The following LGR4 variants were observed in gnomAD, a reference collection of about 807,000 sequenced individuals.
LGR4 encodes the protein leucine rich repeat containing G protein-coupled receptor 4, also known as leucine-rich repeat-containing G protein-coupled receptor 4.
LGR4 carries 44 observed loss-of-function variants against 84.8 expected under a neutral mutation model. The observed-to-expected ratio is 0.52, with a 90% CI of 0.41 to 0.67. The LOEUF (loss-of-function observed/expected upper bound fraction) is 0.67. LGR4 is among the 30% of genes least tolerant of loss of function. LGR4 has a pLI of 0.00. For synonymous variants in LGR4, 429 were observed against 434.3 expected (o/e 0.99, Z 0.15); for missense variants, 1,032 against 1,131.4 (o/e 0.91, Z 1.26).
chr11:27,387,242 C>T (rs547643929), intron 4 of LGR4, among the ~76,000 whole-genome samples: 10 of 152,300 alleles, frequency 6.6e-5, no homozygotes, highest in Middle Eastern at 3.4e-3. Context: ...GTTAACACAA[C>T]AGGCATGAGG....
In LGR4 at chr11:27,367,740, C is replaced by G. The variant is rs1862793708; in HGVS notation, c.*127G>C. ...ACTGGTTTGAGAAATAAACTGCCAC[C>G]TCTCCTTCTTCTAAGTGACACCAGG... On this transcript the variant is annotated 3_prime_UTR_variant, in exon 18 of 18. Coordinates refer to ENST00000379214, the MANE Select transcript of LGR4 (RefSeq NM_018490.5). 1.5e-6 allele frequency: 1 copy of G among 651,378 alleles called. No homozygotes were observed. The highest frequency in any genetic ancestry group is 1.8e-5 in the African/African-American group (1 of 55,704). The allele number at this position is 651,378 out of a possible 1,614,324, so 40.3% of individuals were successfully genotyped here. A position where few individuals can be genotyped will look rare whatever the true frequency, so the allele number is the denominator to read the frequency against.
rs547381937 is a variant in LGR4 at position 27,386,455 on chromosome 11, A to C, written c.402-987T>G. Among the ~76,000 whole-genome samples the C allele has an allele frequency of 9.2e-5, 14 of 152,284 alleles. No individual in the cohort carries two copies. The East Asian group carries it at 2.7e-3, about 29-fold the overall frequency. On this transcript the variant is annotated intron_variant, in intron 4 of 17. Coordinates refer to ENST00000379214, the MANE Select transcript of LGR4 (RefSeq NM_018490.5). The stretch of plus-strand genomic sequence containing the variant: ...TTACATTCATGCCTCACAGCCTTGG[A>C]CTTCTTTGTGAAAATTACAGAACAG...
In LGR4 at chr11:27,389,948, C is replaced by T. The variant is rs1863251698; in HGVS notation, c.401+1146G>A. Among the ~76,000 whole-genome samples, 6 of 152,286 alleles carry T rather than the reference C, an allele frequency of 3.9e-5. No individual in the cohort carries two copies. In the South Asian group the frequency reaches 1.2e-3, roughly 32 times the overall value. ...TTTTAGTGAAGGAAGCTACTTAATA[C>T]AACCACCTTAAATTAAACTTTCATT... On this transcript the variant is annotated intron_variant, in intron 4 of 17. Coordinates refer to ENST00000379214, the MANE Select transcript of LGR4 (RefSeq NM_018490.5).
At chr11:27,445,318 G>A (rs1211478363) in intron 1 of LGR4, among the ~76,000 whole-genome samples, 1 of 152,044 alleles carries the variant, frequency 6.6e-6, no homozygotes, top group Non-Finnish European at 1.5e-5. Flanking sequence ...TTCAAATTCT[G>A]GTTACAGATT....
intron 2 of LGR4, 140 bp from the exon 3 acceptor site, chr11:27,392,658 A>C: frequency 1.5e-6 from 1 of 686,554 alleles, no homozygotes; most frequent in Non-Finnish European, 2.3e-6. Context: ...CGTGGACTTA[A>C]ACCCTTGCTA....
intron 1 of LGR4, among the ~76,000 whole-genome samples, chr11:27,444,557 C>A (rs1238631915): frequency 6.6e-6 from 1 of 152,156 alleles, no homozygotes; most frequent in Admixed American, 6.5e-5. Context: ...GATATTTTTA[C>A]AATTAAACAA....
intron 1 of LGR4, among the ~76,000 whole-genome samples, chr11:27,449,942 C>A (rs1186266261): frequency 6.6e-6 from 1 of 152,094 alleles, no homozygotes; most frequent in Non-Finnish European, 1.5e-5. Context: ...AAAGTTGGTT[C>A]CCCTAGAAGC....
At chr11:27,401,987 G>A (rs1415922118) in intron 2 of LGR4, among the ~76,000 whole-genome samples, 1 of 152,198 alleles carries the variant, frequency 6.6e-6, no homozygotes, top group Non-Finnish European at 1.5e-5. Context: ...GGCTTCATAT[G>A]GCAGAAAGGG....
chr11:27,432,285 A>G (rs1358574151), intron 1 of LGR4, among the ~76,000 whole-genome samples: 6 of 152,164 alleles, frequency 3.9e-5, no homozygotes, highest in Non-Finnish European at 8.8e-5. Context: ...ACCATCTTTG[A>G]CCTTGCTTTC....
chr11:27,412,416 T>C (rs980281771), intron 2 of LGR4, among the ~76,000 whole-genome samples: 1 of 152,166 alleles, frequency 6.6e-6, no homozygotes, highest in Non-Finnish European at 1.5e-5. Flanking sequence ...GTGTTATTTT[T>C]TGTGGTTCTG....
At chr11:27,445,767 A>G (rs1457116958) in intron 1 of LGR4, among the ~76,000 whole-genome samples, 1 of 152,110 alleles carries the variant, frequency 6.6e-6, no homozygotes, top group African/African-American at 2.4e-5. Flanking sequence ...AGTCCCAGCT[A>G]CTCTGAAGGC....
Position 27,377,141 on chromosome 11 carries a change from G to A in LGR4, c.1109+17C>T. On this transcript the variant is annotated intron_variant, in intron 12 of 17. Coordinates refer to ENST00000379214, the MANE Select transcript of LGR4 (RefSeq NM_018490.5). ...CAATACACCACAACAAAAGGAATAAGTCAAAGACCAACTCACATTTCTTCC... is the reference window on the plus strand; with the variant it reads ...CAATACACCACAACAAAAGGAATAAATCAAAGACCAACTCACATTTCTTCC... 1.3e-6 allele frequency: 2 copies of A among 1,514,398 alleles called. No homozygotes were observed. The highest frequency in any genetic ancestry group is 3.5e-5 in the Admixed American group (2 of 56,702). 93.8% of individuals were successfully genotyped at this position (1,514,398 alleles called of 1,614,324 possible). A position where few individuals can be genotyped will look rare whatever the true frequency, so the allele number is the denominator to read the frequency against.
intron 13 of LGR4, among the ~76,000 whole-genome samples, chr11:27,375,871 A>G (rs1244709055): frequency 2.0e-5 from 3 of 152,362 alleles, no homozygotes; most frequent in South Asian, 4.1e-4. Context: ...AAAGTAAAAA[A>G]TATTGAAAGA....
At chr11:27,466,852 C>T (rs1025880302) in intron 1 of LGR4, among the ~76,000 whole-genome samples, 12 of 151,992 alleles carry the variant, frequency 7.9e-5, no homozygotes, top group South Asian at 2.1e-4. Flanking sequence ...GGCACAATCT[C>T]GGTTCACTGC....
intron 1 of LGR4, among the ~76,000 whole-genome samples, chr11:27,416,924 A>C (rs1863830485): frequency 6.6e-6 from 1 of 152,164 alleles, no homozygotes; most frequent in Non-Finnish European, 1.5e-5. Flanking sequence ...ATCATGTTTC[A>C]ACAAGGTACC....
Position 27,367,860 on chromosome 11 carries a change from C to T in LGR4, c.*7G>A. Reference sequence around the variant, plus strand: ...TTGACGGGGGAAACGGTTACACACACAGTAGTTCAGTCTTTAACTCTTGGT... The same window carrying T: ...TTGACGGGGGAAACGGTTACACACATAGTAGTTCAGTCTTTAACTCTTGGT... On this transcript the variant is annotated 3_prime_UTR_variant, in exon 18 of 18. Transcript: ENST00000379214. The T allele has an allele frequency of 1.3e-6, 2 of 1,570,000 alleles. No homozygotes were observed. The highest frequency in any genetic ancestry group is 2.2e-5 in the East Asian group (1 of 44,652).
chr11:27,384,557 A>G, intron 5 of LGR4, 150 bp from the exon 6 acceptor site: 1 of 636,792 alleles, frequency 1.6e-6, no homozygotes, highest in Non-Finnish European at 2.8e-6. Context: ...TTGACCACAG[A>G]AAACAAGTGA....
chr11:27,397,729 G>A (rs1863416630), intron 2 of LGR4, among the ~76,000 whole-genome samples: 1 of 152,114 alleles, frequency 6.6e-6, no homozygotes, highest in Non-Finnish European at 1.5e-5. Flanking sequence ...TCTAAACATG[G>A]GAACATCAGT....
intron 1 of LGR4, among the ~76,000 whole-genome samples, chr11:27,453,966 A>G (rs992056990): frequency 6.6e-6 from 1 of 152,236 alleles, no homozygotes; most frequent in Non-Finnish European, 1.5e-5. Flanking sequence ...CAGCATTAGC[A>G]TCAACACAGA....
Sources: gnomAD v4.1 joint callset for allele counts (sites outside exome capture counted in the v4.1 genomes callset) on GRCh38, gnomAD v4.1.1 for gene constraint, MANE v1.5 for transcripts, NCBI Gene and HGNC (gene_info 2026-07-23, HGNC 2026-07-21) for gene names.